DNER: variants seen among roughly 807,000 people sequenced by gnomAD.
DNER encodes the protein delta and Notch-like epidermal growth factor-related receptor.
Under a neutral mutation model 78.2 loss-of-function variants are expected in DNER, and 33 were observed. The ratio of observed to expected loss-of-function variants is 0.42; its 90% CI spans 0.32 to 0.56. DNER has a LOEUF of 0.56. Ranked by LOEUF, DNER falls within the 20% of genes least tolerant of loss-of-function variation. The pLI is 0.11. For missense variants in DNER, 918 were observed against 975.3 expected, an observed-to-expected ratio of 0.94 and a Z score of 0.78; for synonymous variants, 417 against 384.8, an observed-to-expected ratio of 1.08 and a Z score of -0.98.
In DNER at chr2:229,585,850, T is replaced by C. The variant is rs200126168; in HGVS notation, c.847+8A>G. The C allele has an allele frequency of 1.2e-6, 2 of 1,613,686 alleles. No homozygotes were observed. Among genetic ancestry groups the C allele is most frequent in the East Asian group, 4.5e-5 (2 of 44,866 alleles). On this transcript the variant is annotated splice_region_variant and intron_variant, in intron 4 of 12. Coordinates refer to ENST00000341772, the MANE Select transcript of DNER (RefSeq NM_139072.4). ...TGCAGTGTTGAGTAGAAGATTTTGG[T>C]AACTCACCAATAAAGTGATTATTCC...
At chr2:229,712,312 T>C (rs1312022014) in intron 1 of DNER, among the ~76,000 whole-genome samples, 2 of 152,240 alleles carry the variant, frequency 1.3e-5, no homozygotes, top group Non-Finnish European at 2.9e-5. Context: ...AATATTTATG[T>C]TTCGCTGTTA....
chr2:229,370,509 G>A (rs1461974283), intron 11 of DNER, among the ~76,000 whole-genome samples: 1 of 152,158 alleles, frequency 6.6e-6, no homozygotes, highest in African/African-American at 2.4e-5. Context: ...AAACAGTCAC[G>A]ATGGAAGGGA....
chr2:229,598,988 A>G (rs1407954182), intron 1 of DNER, among the ~76,000 whole-genome samples: 1 of 152,176 alleles, frequency 6.6e-6, no homozygotes, highest in Non-Finnish European at 1.5e-5. Flanking sequence ...CAGCTCCTCC[A>G]ATATTATACC....
chr2:229,639,539 C>A (rs1429599827), intron 1 of DNER, among the ~76,000 whole-genome samples: 2 of 152,206 alleles, frequency 1.3e-5, no homozygotes, highest in Non-Finnish European at 2.9e-5. Context: ...CAGGCATGAG[C>A]CACCACTCCC....
At chr2:229,501,885 C>T (rs1200124683) in intron 6 of DNER, among the ~76,000 whole-genome samples, 1 of 152,158 alleles carries the variant, frequency 6.6e-6, no homozygotes, top group East Asian at 1.9e-4. Context: ...TATCCAGCAG[C>T]TCATAGTTGA....
At chr2:229,430,531 C>T (rs1372204868) in intron 8 of DNER, among the ~76,000 whole-genome samples, 1 of 152,092 alleles carries the variant, frequency 6.6e-6, no homozygotes, top group East Asian at 1.9e-4. Context: ...GACCTAGCCT[C>T]CCAGCCTACA....
chr2:229,621,022 C>T (rs1172319067), intron 1 of DNER, among the ~76,000 whole-genome samples: 1 of 152,218 alleles, frequency 6.6e-6, no homozygotes, highest in Non-Finnish European at 1.5e-5. Context: ...CTGTTTAAGC[C>T]ACCCGGTCTG....
intron 6 of DNER, among the ~76,000 whole-genome samples, chr2:229,493,164 A>G (rs1055747308): frequency 2.0e-5 from 3 of 152,218 alleles, no homozygotes; most frequent in South Asian, 2.1e-4. Context: ...TGGGAAGGGA[A>G]CACGCGCAAC....
chr2:229,571,134 G>T (rs1159187224), intron 4 of DNER, among the ~76,000 whole-genome samples: 1 of 152,128 alleles, frequency 6.6e-6, no homozygotes, highest in Non-Finnish European at 1.5e-5. Context: ...AGCCGTGAAG[G>T]TGGAGAAATG....
At chr2:229,706,339 A>G (rs1312497855) in intron 1 of DNER, among the ~76,000 whole-genome samples, 2 of 151,226 alleles carry the variant, frequency 1.3e-5, no homozygotes, top group Non-Finnish European at 2.9e-5. Context: ...TCACTTGAGC[A>G]CAGGAGTTCA....
intron 7 of DNER, among the ~76,000 whole-genome samples, chr2:229,463,048 T>C (rs1694735305): frequency 1.3e-5 from 2 of 152,140 alleles, no homozygotes; most frequent in South Asian, 4.1e-4. Flanking sequence ...TGCTCACCCC[T>C]TTCATAGCAC....
At chr2:229,593,098 C>T (rs568363734) in intron 1 of DNER, among the ~76,000 whole-genome samples, 63 of 152,328 alleles carry the variant, frequency 4.1e-4, no homozygotes, top group African/African-American at 1.5e-3. Context: ...CTCACAGAAT[C>T]TCAGATCAGA....
intron 6 of DNER, among the ~76,000 whole-genome samples, chr2:229,483,728 CCT>C (rs1304034579): frequency 6.6e-6 from 1 of 152,220 alleles, no homozygotes; most frequent in Non-Finnish European, 1.5e-5. Context: ...AGGGCTGTTT[CCT>C]CTGACTCTGC....
intron 6 of DNER, among the ~76,000 whole-genome samples, chr2:229,496,248 T>C (rs1484256745): frequency 6.6e-6 from 1 of 152,194 alleles, no homozygotes; most frequent in African/African-American, 2.4e-5. Context: ...AAAATATCAA[T>C]TACACTTCAT....
At chr2:229,581,364 C>T (rs1697393943) in intron 4 of DNER, among the ~76,000 whole-genome samples, 1 of 152,182 alleles carries the variant, frequency 6.6e-6, no homozygotes, top group African/African-American at 2.4e-5. Flanking sequence ...ATTCAGGACA[C>T]TAATGAGCAC....
intron 1 of DNER, among the ~76,000 whole-genome samples, chr2:229,652,113 C>T (rs886645142): frequency 5.3e-5 from 8 of 152,088 alleles, no homozygotes; most frequent in African/African-American, 9.7e-5. Flanking sequence ...CTAGAGGAAA[C>T]ATCAAAAGAA....
At chr2:229,517,821 G>A (rs1002931324) in intron 5 of DNER, among the ~76,000 whole-genome samples, 1 of 152,150 alleles carries the variant, frequency 6.6e-6, no homozygotes, top group African/African-American at 2.4e-5. Context: ...AACACGGCAG[G>A]TCCCACAGCA....
Position 229,504,127 on chromosome 2 carries a change from C to T in DNER, c.1147+8656G>A, listed in dbSNP as rs115269227. Among the ~76,000 whole-genome samples, 399 of 152,324 alleles carry T rather than the reference C, an allele frequency of 2.6e-3. 5 individuals carry two copies. Among genetic ancestry groups the T allele is most frequent in the African/African-American group, 9.0e-3 (376 of 41,576 alleles). ...GGTGACGTGTGTATGTGCATGCACA[C>T]ATGAGTGTACACACACCCAGTCACA... On this transcript the variant is annotated intron_variant, in intron 6 of 12. Coordinates refer to ENST00000341772, the MANE Select transcript of DNER (RefSeq NM_139072.4).
At chr2:229,434,145 T>C (rs1385531860) in intron 8 of DNER, among the ~76,000 whole-genome samples, 1 of 152,182 alleles carries the variant, frequency 6.6e-6, no homozygotes, top group African/African-American at 2.4e-5. Flanking sequence ...CCAGAAAATT[T>C]TGGTACACGG....
Sources: gnomAD v4.1 joint callset for allele counts (sites outside exome capture counted in the v4.1 genomes callset) on GRCh38, gnomAD v4.1.1 for gene constraint, MANE v1.5 for transcripts, NCBI Gene and HGNC (gene_info 2026-07-23, HGNC 2026-07-21) for gene names.